MYZAP: variants seen among roughly 807,000 people sequenced by gnomAD.
MYZAP encodes myocardial zonula adherens protein.
A neutral mutation model predicts 69.4 loss-of-function variants in MYZAP; 66 were observed. The observed-to-expected ratio is 0.95, with a 90% CI of 0.78 to 1.17. MYZAP has a LOEUF of 1.17. Among genes scored for constraint, MYZAP ranks in the 50% most tolerant of loss-of-function variants. MYZAP has a pLI of 0.00. For missense variants in MYZAP, 611 were observed against 556.2 expected (o/e 1.10, Z -0.99); for synonymous variants, 256 against 205.9 (o/e 1.24, Z -2.09).
intron 5 of MYZAP, 31 bp from the exon 6 acceptor site, chr15:57,629,671 T>G (rs1322941157): frequency 6.2e-6 from 10 of 1,601,406 alleles, no homozygotes; most frequent in Non-Finnish European, 8.5e-6. Context: ...CGCCACCGGA[T>G]CTGGTTTTGT....
At chr15:57,676,208 TA>T (rs1171699531) in intron 12 of MYZAP, among the ~76,000 whole-genome samples, 1 of 152,048 alleles carries the variant, frequency 6.6e-6, no homozygotes. Context: ...CTCCTTTCCT[TA>T]CTTTATTAAT....
rs1179744815 is a variant in MYZAP at position 57,621,770 on chromosome 15, G to A, written c.411+70G>A. The A allele has an allele frequency of 6.9e-6, 10 of 1,456,114 alleles. No homozygotes were observed. In the African/African-American group the frequency reaches 1.1e-4, roughly 16 times the overall value. The allele number at this position is 1,456,114 out of a possible 1,614,324, so 90.2% of individuals were successfully genotyped here. ...GCTCAGAGTGGTCCCTCAGTGGCTA[G>A]TGCCTAAAGATATTAGAGTATCTAG... On this transcript the variant is annotated intron_variant, in intron 4 of 12. Transcript: ENST00000267853.
intron 8 of MYZAP, among the ~76,000 whole-genome samples, chr15:57,635,018 G>T (rs574199450): frequency 6.6e-6 from 1 of 152,268 alleles, no homozygotes; most frequent in African/African-American, 2.4e-5. Context: ...TTTCTGCAGC[G>T]TAAAGAAGCA....
At chr15:57,658,143 A>C (rs1370646194) in intron 10 of MYZAP, among the ~76,000 whole-genome samples, 3 of 152,214 alleles carry the variant, frequency 2.0e-5, no homozygotes, top group African/African-American at 7.2e-5. Context: ...GAACAGAGAG[A>C]GTAATTGATG....
chr15:57,593,212 A>ACACACACACACACACACACC (rs770540454), intron 1 of MYZAP, among the ~76,000 whole-genome samples: 1 of 124,908 alleles, frequency 8.0e-6, no homozygotes. Context: ...ACACACACAC[A>ACACACACACACACACACACC]CACCCCAGAA....
At chr15:57,639,302 C>A in intron 9 of MYZAP, 138 bp from the exon 10 acceptor site, 1 of 892,064 alleles carries the variant, frequency 1.1e-6, no homozygotes, top group Non-Finnish European at 1.7e-6. Flanking sequence ...CTGCCTTGGC[C>A]TCTTGAAGTG....
intron 2 of MYZAP, 133 bp from the exon 3 acceptor site, chr15:57,617,900 C>T (rs550389893): frequency 1.6e-6 from 2 of 1,254,318 alleles, no homozygotes; most frequent in African/African-American, 1.5e-5. Context: ...GATTTTTGCT[C>T]CCTCCATCTC....
intron 10 of MYZAP, among the ~76,000 whole-genome samples, chr15:57,644,634 ATTATTATTT>A (rs2037346779): frequency 6.6e-6 from 1 of 151,804 alleles, no homozygotes; most frequent in African/African-American, 2.4e-5. Flanking sequence ...TGTTATTATT[ATTATTATTT>A]TTTATAGAGA....
chr15:57,604,652 G>C (rs1324096804), intron 2 of MYZAP, among the ~76,000 whole-genome samples: 1 of 152,198 alleles, frequency 6.6e-6, no homozygotes, highest in African/African-American at 2.4e-5. Flanking sequence ...CGGGGAACGT[G>C]GGTTTTCCTG....
chr15:57,660,241 T>C (rs1420853009), intron 10 of MYZAP, among the ~76,000 whole-genome samples: 1 of 152,214 alleles, frequency 6.6e-6, no homozygotes, highest in Admixed American at 6.5e-5. Context: ...AAAGGGTTAA[T>C]GCATATGTAC....
At chr15:57,593,188 G>GCGCACA (rs1555454573) in intron 1 of MYZAP, among the ~76,000 whole-genome samples, 1 of 114,152 alleles carries the variant, frequency 8.8e-6, no homozygotes, top group African/African-American at 3.4e-5. Flanking sequence ...GTACACAGGC[G>GCGCACA]CACACACACA....
At chr15:57,609,353 G>T (rs1334714248) in intron 2 of MYZAP, among the ~76,000 whole-genome samples, 1 of 152,232 alleles carries the variant, frequency 6.6e-6, no homozygotes, top group Admixed American at 6.5e-5. Flanking sequence ...TCAAGGTGCT[G>T]GTGGTGCCTC....
At chr15:57,615,320 T>G (rs2035365505) in intron 2 of MYZAP, among the ~76,000 whole-genome samples, 1 of 152,170 alleles carries the variant, frequency 6.6e-6, no homozygotes, top group Non-Finnish European at 1.5e-5. Flanking sequence ...AATTTGAAAT[T>G]TATGATTTTT....
At chr15:57,665,797 C>T (rs1272173154) in intron 11 of MYZAP, among the ~76,000 whole-genome samples, 1 of 152,182 alleles carries the variant, frequency 6.6e-6, no homozygotes, top group African/African-American at 2.4e-5. Context: ...ACATATGTCA[C>T]AATCAGAGCT....
chr15:57,638,019 A>G (rs1421665068), intron 9 of MYZAP, among the ~76,000 whole-genome samples: 3 of 152,234 alleles, frequency 2.0e-5, no homozygotes, highest in Admixed American at 1.3e-4. Flanking sequence ...TCACAAGTGC[A>G]AAAGTTTGGT....
chr15:57,623,117 T>G (rs1460785209), intron 4 of MYZAP, among the ~76,000 whole-genome samples: 4 of 152,206 alleles, frequency 2.6e-5, no homozygotes, highest in African/African-American at 9.7e-5. Context: ...GTAAGATAAA[T>G]GCGGGTTAAA....
intron 1 of MYZAP, among the ~76,000 whole-genome samples, chr15:57,596,383 G>A (rs1310145229): frequency 6.6e-6 from 1 of 152,180 alleles, no homozygotes; most frequent in Non-Finnish European, 1.5e-5. Flanking sequence ...TGGGCCCAGG[G>A]CTGACTAACT....
intron 11 of MYZAP, among the ~76,000 whole-genome samples, chr15:57,665,104 A>C (rs937276672): frequency 6.6e-6 from 1 of 152,184 alleles, no homozygotes; most frequent in East Asian, 1.9e-4. Context: ...CTCATCCTCA[A>C]AGTTGGAGAC....
At chr15:57,681,730 A>G in intron 12 of MYZAP, among the ~76,000 whole-genome samples, 1 of 152,006 alleles carries the variant, frequency 6.6e-6, no homozygotes, top group Non-Finnish European at 1.5e-5. Context: ...GGTTGCATTG[A>G]GCTGAGATCG....
Sources: gnomAD v4.1 joint callset for allele counts (sites outside exome capture counted in the v4.1 genomes callset) on GRCh38, gnomAD v4.1.1 for gene constraint, MANE v1.5 for transcripts, NCBI Gene and HGNC (gene_info 2026-07-23, HGNC 2026-07-21) for gene names.